MALRD1: variants seen among roughly 807,000 people sequenced by gnomAD.
The protein encoded by MALRD1 is MAM and LDL-receptor class A domain-containing protein 1.
Under a neutral mutation model 242.1 loss-of-function variants are expected in MALRD1, and 247 were observed. The observed-to-expected ratio is 1.02, with a 90% confidence interval of 0.92 to 1.13. The LOEUF (loss-of-function observed/expected upper bound fraction) is 1.13. MALRD1 is among the 50% of genes most tolerant of loss of function. The pLI is 0.00. For synonymous variants in MALRD1, 995 were observed against 866.6 expected (o/e 1.15, Z -2.60); for missense variants, 2,989 against 2,533.1 (o/e 1.18, Z -3.86).
intron 28 of MALRD1, among the ~76,000 whole-genome samples, chr10:19,432,315 A>C (rs1390199295): frequency 6.6e-6 from 1 of 152,168 alleles, no homozygotes; most frequent in Admixed American, 6.6e-5. Flanking sequence ...TAGGAAAAAC[A>C]CCCTTTGGTG....
At chr10:19,143,138 T>C (rs1833608506) in intron 10 of MALRD1, among the ~76,000 whole-genome samples, 1 of 152,230 alleles carries the variant, frequency 6.6e-6, no homozygotes, top group Admixed American at 6.5e-5. Flanking sequence ...AAAAGCACAA[T>C]GATTGACATT....
At chr10:19,115,984 C>G (rs114312600) in intron 5 of MALRD1, among the ~76,000 whole-genome samples, 1,754 of 152,260 alleles carry the variant, frequency 0.012, 34 homozygotes, top group African/African-American at 0.04. Flanking sequence ...GACAATAAAA[C>G]TAATTTTTAA....
Position 19,123,473 on chromosome 10 carries a change from C to T in MALRD1, c.695-19C>T. 2 of 1,220,738 alleles carry T rather than the reference C, an allele frequency of 1.6e-6. No individual in the cohort carries two copies. Among genetic ancestry groups the T allele is most frequent in the Non-Finnish European group, 2.0e-6 (2 of 976,214 alleles). The allele number at this position is 1,220,738 out of a possible 1,614,324, so 75.6% of individuals were successfully genotyped here. ...GTTGCACCTGCATTTCACTTCTTGC[C>T]AATCTTTAAATTTAACAGATGGAAT... On this transcript the variant is annotated intron_variant, in intron 5 of 39. Transcript: ENST00000454679.
intron 33 of MALRD1, among the ~76,000 whole-genome samples, chr10:19,591,605 A>T (rs1375329692): frequency 6.6e-6 from 1 of 150,484 alleles, no homozygotes; most frequent in Non-Finnish European, 1.5e-5. Flanking sequence ...TTCAAGCGAT[A>T]ATCTTGCCTT....
intron 19 of MALRD1, among the ~76,000 whole-genome samples, chr10:19,272,115 A>C (rs981676590): frequency 1.5e-4 from 23 of 152,294 alleles, no homozygotes; most frequent in African/African-American, 4.3e-4. Flanking sequence ...CATAGATAAT[A>C]TACAATAAAG....
At chr10:19,709,329 A>T (rs1028441235) in intron 38 of MALRD1, among the ~76,000 whole-genome samples, 2 of 151,832 alleles carry the variant, frequency 1.3e-5, no homozygotes. Flanking sequence ...AGGCAGGGGA[A>T]TCGCTTGAAC....
At chr10:19,362,264 C>A (rs1006002026) in intron 26 of MALRD1, among the ~76,000 whole-genome samples, 1 of 152,064 alleles carries the variant, frequency 6.6e-6, no homozygotes, top group African/African-American at 2.4e-5. Flanking sequence ...TGGAAACCAC[C>A]ATTTGGTATT....
At chr10:19,606,698 G>C (rs1357871916) in intron 34 of MALRD1, among the ~76,000 whole-genome samples, 1 of 152,036 alleles carries the variant, frequency 6.6e-6, no homozygotes, top group Non-Finnish European at 1.5e-5. Flanking sequence ...CACTGGCACA[G>C]ACCAGAACCA....
Position 19,347,946 on chromosome 10 carries a change from G to T in MALRD1, c.4077G>T (p.Leu1359Phe). ...SSGHYIFIKSLFPQQPMRAAR... is the reference protein window; with the variant it reads ...SSGHYIFIKSFFPQQPMRAAR... ...GTCATTACATCTTTATAAAGAGTTT[G>T]TTTCCTCAGCAGCCCATGAGAGCTG... The change falls in exon 25 of 40, where the codon TTG becomes TTT. Residue 1359 changes from leucine (L) to phenylalanine (F), a missense_variant. Transcript: ENST00000454679. 1 of 1,550,302 alleles carries T rather than the reference G, an allele frequency of 6.5e-7. No individual in the cohort carries two copies.
At chr10:19,257,929 C>T (rs1205496586) in intron 19 of MALRD1, among the ~76,000 whole-genome samples, 158 bp downstream of exon 19, 1 of 151,930 alleles carries the variant, frequency 6.6e-6, no homozygotes, top group Non-Finnish European at 1.5e-5. Flanking sequence ...TTTTTAGATC[C>T]TTGCTAGTAA....
rs190450888 is a variant in MALRD1, at chr10:19,372,347, G to A, written c.4442-15181G>A. ...TAAAATTGAAAAATCAAAAATTAGC[G>A]TTATAAATATTTAGACACATGCAGA... On this transcript the variant is annotated intron_variant, in intron 26 of 39. Transcript: ENST00000454679. 8.3e-4 allele frequency among the ~76,000 whole-genome samples: 127 copies of A among 152,104 alleles called. 1 individual carries two copies. The highest frequency in any genetic ancestry group is 3.7e-3 in the East Asian group (19 of 5,182).
intron 28 of MALRD1, among the ~76,000 whole-genome samples, chr10:19,423,428 A>G (rs1042996567): frequency 2.6e-5 from 4 of 152,076 alleles, no homozygotes; most frequent in Non-Finnish European, 5.9e-5. Flanking sequence ...TGATAGGTAG[A>G]TTAATCTGGT....
chr10:19,658,063 T>A (rs956561012), intron 36 of MALRD1, among the ~76,000 whole-genome samples: 7 of 151,772 alleles, frequency 4.6e-5, no homozygotes, highest in African/African-American at 1.7e-4. Flanking sequence ...CAGGAGAATC[T>A]CTTGAACCCA....
rs1838707362 is a variant in MALRD1, at chr10:19,607,766, T to TC, written c.5945-11_5945-10insC. Reference sequence around the variant, plus strand: ...CTGGCATCCCTGATCATTATTCTTTTTTTTTTGCAGCCAACAAAAGCTGTT... The same window carrying TC: ...CTGGCATCCCTGATCATTATTCTTTTCTTTTTTGCAGCCAACAAAAGCTGTT... On this transcript the variant is annotated splice_polypyrimidine_tract_variant and intron_variant, in intron 34 of 39. Coordinates refer to ENST00000454679, the MANE Select transcript of MALRD1 (RefSeq NM_001142308.3). 1.4e-5 allele frequency: 21 copies of TC among 1,544,792 alleles called. No individual in the cohort carries two copies. The highest frequency in any genetic ancestry group is 1.7e-5 in the Non-Finnish European group (19 of 1,144,984).
At chr10:19,295,462 G>GGGGT (rs151079402) in intron 21 of MALRD1, among the ~76,000 whole-genome samples, 18 of 149,014 alleles carry the variant, frequency 1.2e-4, no homozygotes, top group Non-Finnish European at 1.9e-4. Flanking sequence ...GTATGTTTTG[G>GGGGT]GTGTGTGTGT....
intron 36 of MALRD1, among the ~76,000 whole-genome samples, chr10:19,631,990 A>T (rs1178195664): frequency 6.6e-6 from 1 of 152,162 alleles, no homozygotes; most frequent in African/African-American, 2.4e-5. Context: ...ATTGTATAGC[A>T]GTATCAGTCA....
At position 19,609,990 on chromosome 10, in the gene MALRD1, C is replaced by G. The variant is rs187830665; in HGVS notation, c.6070+2088C>G. ...TGATGATGATACAGCTTAATAAAGT[C>G]TCAGAAGTATTTAAAAAACAAACCA... On this transcript the variant is annotated intron_variant, in intron 35 of 39. Transcript: ENST00000454679. Among the ~76,000 whole-genome samples the G allele has an allele frequency of 3.9e-5, 6 of 151,902 alleles. No homozygotes were observed. The East Asian group carries it at 5.8e-4, about 15-fold the overall frequency.
At chr10:19,439,906 G>A (rs1224212581) in intron 28 of MALRD1, among the ~76,000 whole-genome samples, 1 of 152,112 alleles carries the variant, frequency 6.6e-6, no homozygotes, top group African/African-American at 2.4e-5. Context: ...TACTTCGAGT[G>A]TGTCAAAACT....
chr10:19,690,337 A>G (rs368670134), intron 36 of MALRD1, among the ~76,000 whole-genome samples: 10 of 152,078 alleles, frequency 6.6e-5, no homozygotes, highest in African/African-American at 1.4e-4. Context: ...TGGAAAATCA[A>G]TCAATCAATT....
Sources: gnomAD v4.1 joint callset for allele counts (sites outside exome capture counted in the v4.1 genomes callset) on GRCh38, gnomAD v4.1.1 for gene constraint, MANE v1.5 for transcripts, NCBI Gene and HGNC (gene_info 2026-07-23, HGNC 2026-07-21) for gene names.